The following ZNF107 variants were observed in gnomAD, a reference collection of about 807,000 sequenced individuals.
ZNF107 encodes zinc finger protein 107.
ZNF107 carries 19 observed loss-of-function variants against 12.3 expected under a neutral mutation model. That is an observed-to-expected ratio of 1.55 (90% CI 1.08 to 2.27). ZNF107 has a LOEUF of 2.27. Ranked by LOEUF, ZNF107 falls within the 30% of genes most tolerant of loss-of-function variation. The pLI, the probability that ZNF107 is intolerant of heterozygous loss-of-function variation, is 0.00. For synonymous variants in ZNF107, 317 were observed against 330.5 expected (o/e 0.96, Z 0.44); for missense variants, 958 against 979.9 (o/e 0.98, Z 0.30).
rs1014066521 is a variant in ZNF107 at position 64,706,788 on chromosome 7, T to C, written c.691T>C (p.Cys231Arg). 4 of 1,613,446 alleles carry C rather than the reference T, an allele frequency of 2.5e-6. No individual in the cohort carries two copies. The highest frequency in any genetic ancestry group is 3.4e-6 in the Non-Finnish European group (4 of 1,179,824). ...RIHTGEKPYK[C>R]EECGKAFNQS... ...TCATACTGGAGAAAAGCCCTACAAA[T>C]GTGAAGAATGTGGCAAAGCCTTTAA... Residue 231 changes from cysteine (C) to arginine (R), a missense_variant, in exon 4 of 4, where the codon TGT (cysteine) becomes CGT (arginine). By Grantham distance (180) the Cys-to-Arg change is radical. Transcript: ENST00000620827.
intron 1 of ZNF107, among the ~76,000 whole-genome samples, chr7:64,682,357 T>C (rs1789716332): frequency 6.6e-6 from 1 of 152,072 alleles, no homozygotes; most frequent in East Asian, 1.9e-4. Context: ...CTAGGCATCA[T>C]TGGGTACTTC....
intron 2 of ZNF107, 60 bp from the exon 3 acceptor site, chr7:64,691,805 G>T: frequency 2.0e-6 from 2 of 975,758 alleles, no homozygotes; most frequent in East Asian, 3.9e-5. Flanking sequence ...CACCTTACTG[G>T]ATTAGTAATT....
chr7:64,677,437 G>A (rs1584466248), intron 1 of ZNF107, among the ~76,000 whole-genome samples: 1 of 150,160 alleles, frequency 6.7e-6, no homozygotes, highest in South Asian at 2.1e-4. Context: ...CTCTCAAAGT[G>A]CTGGGATTAC....
At position 64,709,516 on chromosome 7, in the gene ZNF107, C is replaced by G. The variant is rs906768054; in HGVS notation, c.*860C>G. ...CTCGAACTTTCTAACATAAATCATACTGGTGAAAAATCCTAGAAATGTGAA... is the reference window on the plus strand; with the variant it reads ...CTCGAACTTTCTAACATAAATCATAGTGGTGAAAAATCCTAGAAATGTGAA... On this transcript the variant is annotated 3_prime_UTR_variant, in exon 4 of 4. Transcript: ENST00000620827. The G allele has an allele frequency of 1.4e-5, 5 of 354,688 alleles. No homozygotes were observed. The Middle Eastern group carries it at 3.0e-3, about 212-fold the overall frequency. The allele number at this position is 354,688 out of a possible 1,614,324, so 22.0% of individuals were successfully genotyped here.
intron 1 of ZNF107, chr7:64,684,641 C>T (rs1562831097): frequency 1.0e-6 from 1 of 985,402 alleles, no homozygotes; most frequent in African/African-American, 1.7e-5. Context: ...TGCTTCTTCA[C>T]CCTCTTCCTC....
chr7:64,690,662 A>G (rs1464065441), intron 1 of ZNF107: 1 of 469,632 alleles, frequency 2.1e-6, no homozygotes. Context: ...AAACACAGTG[A>G]AAATTTATCT....
chr7:64,693,607 G>A (rs939519075), intron 3 of ZNF107, among the ~76,000 whole-genome samples: 1 of 152,028 alleles, frequency 6.6e-6, no homozygotes, highest in Non-Finnish European at 1.5e-5. Flanking sequence ...AGCTTGGGTA[G>A]TTTTAATTCC....
At chr7:64,679,108 C>A in intron 1 of ZNF107, 1 of 714,292 alleles carries the variant, frequency 1.4e-6, no homozygotes, top group Non-Finnish European at 1.7e-6. Context: ...TTTGTGTGAG[C>A]AGTGAGGCTA....
chr7:64,696,162 C>T (rs897706371), intron 3 of ZNF107, among the ~76,000 whole-genome samples: 1 of 152,054 alleles, frequency 6.6e-6, no homozygotes, highest in Non-Finnish European at 1.5e-5. Context: ...AAGTGATTCT[C>T]CTGCCTCAGC....
chr7:64,669,568 C>T (rs112875001), intron 1 of ZNF107, among the ~76,000 whole-genome samples: 7,135 of 151,990 alleles, frequency 0.047, 451 homozygotes, highest in African/African-American at 0.14. Flanking sequence ...CTGAGGCAGG[C>T]GGATCACCTG....
rs1205560836 is a variant in ZNF107 at position 64,709,148 on chromosome 7, G to A, written c.*492G>A. 1 of 459,806 alleles carries A rather than the reference G, an allele frequency of 2.2e-6. No homozygotes were observed. Among genetic ancestry groups the A allele is most frequent in the East Asian group, 5.8e-5 (1 of 17,106 alleles). The allele number at this position is 459,806 out of a possible 1,614,324, so 28.5% of individuals were successfully genotyped here. ...CTACAATTGTGAAGAATGTGGCAAA[G>A]CTTTTAACCTTCCTTAACCCTTAAC... On this transcript the variant is annotated 3_prime_UTR_variant, in exon 4 of 4. Transcript: ENST00000620827.
At chr7:64,685,326 C>T (rs1030255548) in intron 1 of ZNF107, among the ~76,000 whole-genome samples, 1 of 152,188 alleles carries the variant, frequency 6.6e-6, no homozygotes, top group African/African-American at 2.4e-5. Flanking sequence ...CCCCAACTGA[C>T]TGTATTAACT....
chr7:64,685,323 T>C (rs996251082), intron 1 of ZNF107, among the ~76,000 whole-genome samples: 9 of 152,166 alleles, frequency 5.9e-5, no homozygotes. Flanking sequence ...AAGCCCCAAC[T>C]GACTGTATTA....
chr7:64,681,246 G>C (rs118093662), intron 1 of ZNF107, among the ~76,000 whole-genome samples: 1 of 151,914 alleles, frequency 6.6e-6, no homozygotes, highest in Admixed American at 6.6e-5. Context: ...CTTTTTGATC[G>C]ATATGGGGGC....
chr7:64,677,471 C>T (rs1199948791), intron 1 of ZNF107, among the ~76,000 whole-genome samples: 17 of 20,778 alleles, frequency 8.2e-4, no homozygotes, highest in East Asian at 3.2e-3. Flanking sequence ...CGCACCTCGC[C>T]GGATTTTTTT....
chr7:64,671,779 C>CTTTTTTTT (rs1213610930), intron 1 of ZNF107, among the ~76,000 whole-genome samples: 3 of 116,544 alleles, frequency 2.6e-5, no homozygotes, highest in Non-Finnish European at 5.3e-5. Context: ...CCTTTTTGTT[C>CTTTTTTTT]TTTTTTTTTT....
rs1790332422 is a variant in ZNF107, at chr7:64,697,506, T to C, written c.226+5546T>C. On this transcript the variant is annotated intron_variant, in intron 3 of 3. Transcript: ENST00000620827. ...TGTATGTATATGTTAAATTTTTTGA[T>C]GTGTTTATAAGTAAAGGAACACCTG... Among the ~76,000 whole-genome samples, 2 of 152,176 alleles carry C rather than the reference T, an allele frequency of 1.3e-5. 1 individual carries two copies. The highest frequency in any genetic ancestry group is 4.1e-4 in the South Asian group (2 of 4,828).
rs371900892 is a variant in ZNF107, at chr7:64,690,597, C to G, written c.4-651C>G. On this transcript the variant is annotated intron_variant, in intron 1 of 3. Transcript: ENST00000620827. ...GTATTTGCAGAGACATTCCATTTAG[C>G]AATGTGTTTTCTATTCCTGCAGATC... 18 of 922,952 alleles carry G rather than the reference C, an allele frequency of 2.0e-5. No individual in the cohort carries two copies. The East Asian group carries it at 5.9e-4, about 30-fold the overall frequency. 57.2% of individuals were successfully genotyped at this position (922,952 alleles called of 1,614,324 possible).
chr7:64,697,162 G>A (rs1237299322), intron 3 of ZNF107, among the ~76,000 whole-genome samples: 1 of 152,056 alleles, frequency 6.6e-6, no homozygotes, highest in Non-Finnish European at 1.5e-5. Context: ...CTTTTTTATG[G>A]CTGCATAGTA....
Sources: allele counts gnomAD v4.1 joint callset (sites outside exome capture counted in the v4.1 genomes callset), GRCh38; gene constraint gnomAD v4.1.1; transcripts MANE v1.5; gene names NCBI Gene and HGNC (gene_info 2026-07-23, HGNC 2026-07-21).